Variants in DIP2C observed in about 807,000 individuals in gnomAD.
DIP2C encodes disco-interacting protein 2 homolog C.
A neutral mutation model predicts 192.4 loss-of-function variants in DIP2C; 33 were observed. The observed-to-expected ratio is 0.17, with a 90% CI of 0.13 to 0.23. DIP2C has a LOEUF of 0.23. Among genes scored for constraint, DIP2C ranks in the 10% least tolerant of loss-of-function variants. The probability of loss-of-function intolerance (pLI) is 1.00; values close to 1 mark genes in which losing one functional copy is unlikely to be tolerated. For synonymous variants in DIP2C, 979 were observed against 864.1 expected (o/e 1.13, Z -2.33); for missense variants, 1,537 against 2,110.1 (o/e 0.73, Z 5.32).
At chr10:582,033 C>T (rs1461418651) in intron 1 of DIP2C, among the ~76,000 whole-genome samples, 8 of 152,150 alleles carry the variant, frequency 5.3e-5, no homozygotes, top group Non-Finnish European at 1.0e-4. Flanking sequence ...AATAGGGTTC[C>T]AACGTCTATG....
At chr10:624,646 G>A (rs1216606500) in intron 1 of DIP2C, among the ~76,000 whole-genome samples, 1 of 152,222 alleles carries the variant, frequency 6.6e-6, no homozygotes, top group Non-Finnish European at 1.5e-5. Context: ...CCACGGAGGA[G>A]GCGAGCGTCG....
At chr10:374,717 T>C (rs1961366405) in intron 17 of DIP2C, among the ~76,000 whole-genome samples, 1 of 152,222 alleles carries the variant, frequency 6.6e-6, no homozygotes, top group Non-Finnish European at 1.5e-5. Context: ...TTGAGAAACT[T>C]AGATGATATT....
intron 3 of DIP2C, among the ~76,000 whole-genome samples, chr10:468,394 C>G (rs893541437): frequency 6.6e-6 from 1 of 151,966 alleles, no homozygotes; most frequent in African/African-American, 2.4e-5. Context: ...AAATGAGAAC[C>G]CCACCTGAGA....
intron 3 of DIP2C, among the ~76,000 whole-genome samples, chr10:464,684 G>A (rs560989784): frequency 2.6e-5 from 4 of 152,320 alleles, no homozygotes; most frequent in Admixed American, 1.3e-4. Flanking sequence ...ACAAACGTAT[G>A]TTTATTGCAG....
At chr10:633,426 T>C (rs529191229) in intron 1 of DIP2C, among the ~76,000 whole-genome samples, 93 of 151,528 alleles carry the variant, frequency 6.1e-4, no homozygotes, top group African/African-American at 1.7e-3. Flanking sequence ...GAGGCGGTGC[T>C]GCAGAGCGGA....
chr10:390,398 T>C (rs1314589394), intron 11 of DIP2C, 25 bp from the exon 12 acceptor site: 2 of 1,603,450 alleles, frequency 1.2e-6, no homozygotes, highest in Non-Finnish European at 1.7e-6. Context: ...ACAAGTTCCT[T>C]TTAAATGTTA....
chr10:420,352 A>G (rs1966098407), intron 5 of DIP2C, among the ~76,000 whole-genome samples: 1 of 152,250 alleles, frequency 6.6e-6, no homozygotes, highest in Non-Finnish European at 1.5e-5. Flanking sequence ...TGACGGTGTC[A>G]GTCCGGTGTC....
At chr10:659,256 G>A (rs939575611) in intron 1 of DIP2C, among the ~76,000 whole-genome samples, 15 of 152,104 alleles carry the variant, frequency 9.9e-5, no homozygotes, top group African/African-American at 3.6e-4. Context: ...TGTAACACAT[G>A]CACACACATA....
chr10:647,661 C>G (rs55925602), intron 1 of DIP2C, among the ~76,000 whole-genome samples: 113 of 145,174 alleles, frequency 7.8e-4, no homozygotes, highest in African/African-American at 2.9e-3. Context: ...AATCCACGTC[C>G]ACATTGGATG....
At chr10:653,689 T>C (rs1463467674) in intron 1 of DIP2C, among the ~76,000 whole-genome samples, 1 of 152,216 alleles carries the variant, frequency 6.6e-6, no homozygotes, top group Non-Finnish European at 1.5e-5. Context: ...TACATTTCTT[T>C]GGGTGAGAAA....
chr10:312,124 G>A (rs1308416896), intron 31 of DIP2C, among the ~76,000 whole-genome samples: 2 of 152,106 alleles, frequency 1.3e-5, no homozygotes, highest in African/African-American at 2.4e-5. Context: ...GCTCTCACAC[G>A]GTCTGCTCGG....
At chr10:345,293 G>A (rs371165415) in intron 26 of DIP2C, 183 bp from the exon 27 acceptor site, 32 of 703,478 alleles carry the variant, frequency 4.5e-5, no homozygotes, top group Non-Finnish European at 7.2e-5. Context: ...GTGGAGGCAC[G>A]GGGGCAGGGC....
chr10:666,746 G>C lies in DIP2C; in HGVS notation c.85+22748C>G, dbSNP rs1386293502. 6.6e-6 allele frequency: 1 copy of C among 152,620 alleles called. No individual in the cohort carries two copies. Among genetic ancestry groups the C allele is most frequent in the East Asian group, 1.9e-4 (1 of 5,200 alleles). 9.5% of individuals were successfully genotyped at this position (152,620 alleles called of 1,614,324 possible). On this transcript the variant is annotated intron_variant, in intron 1 of 36. Coordinates refer to ENST00000280886, the MANE Select transcript of DIP2C (RefSeq NM_014974.3). This position sits in a 1 kb window ranked among gnomAD's most constrained non-coding sequence, Gnocchi z 4.1. ...GGTCTGGACGTGGGCCTGGGGGCTG[G>C]TGGAAGGCACGTGTGTTGAGGCGTG...
rs1057451726 is a variant in DIP2C at position 290,638 on chromosome 10, A to C, written c.3987-2217T>G. On this transcript the variant is annotated intron_variant, in intron 32 of 36. Transcript: ENST00000280886. The stretch of plus-strand genomic sequence containing the variant: ...CGTGGGCTTCACCCCAAATGAAGAC[A>C]GCAGTAGAGAAGCCAGGCCAAGCTG... Among the ~76,000 whole-genome samples, 3 of 152,344 alleles carry C rather than the reference A, an allele frequency of 2.0e-5. No individual in the cohort carries two copies. In the East Asian group the frequency reaches 5.8e-4, roughly 29 times the overall value.
intron 1 of DIP2C, among the ~76,000 whole-genome samples, chr10:604,090 A>G (rs1179261566): frequency 3.5e-5 from 5 of 143,596 alleles, no homozygotes; most frequent in African/African-American, 1.3e-4. Context: ...CCTCTGAGGC[A>G]GACCCTCGTA....
At chr10:565,581 A>G (rs1849423469) in intron 1 of DIP2C, among the ~76,000 whole-genome samples, 1 of 152,194 alleles carries the variant, frequency 6.6e-6, no homozygotes, top group South Asian at 2.1e-4. Context: ...AACTTCACCT[A>G]GAATTTAAAA....
At chr10:294,586 C>T (rs530983996) in intron 32 of DIP2C, among the ~76,000 whole-genome samples, 2 of 149,696 alleles carry the variant, frequency 1.3e-5, no homozygotes, top group Non-Finnish European at 3.0e-5. Flanking sequence ...AGAGTGATAC[C>T]CCATCTAAAA....
At position 507,722 on chromosome 10, in the gene DIP2C, C is replaced by CTT. The variant is rs568872810; in HGVS notation, c.86-21194_86-21193dup. ...CAGGTGAGTTTGTTCCCGCACATTCCTTTCAGTACTGACGATTGAAGATCG... is the reference window on the plus strand; with the variant it reads ...CAGGTGAGTTTGTTCCCGCACATTCCTTTTTCAGTACTGACGATTGAAGATCG... On this transcript the variant is annotated intron_variant, in intron 1 of 36. Transcript: ENST00000280886. Among the ~76,000 whole-genome samples the CTT allele has an allele frequency of 2.3e-3, 350 of 152,314 alleles. 4 individuals are homozygous for CTT. Among genetic ancestry groups the CTT allele is most frequent in the African/African-American group, 7.9e-3 (328 of 41,570 alleles).
chr10:283,785 A>G (rs2132150977), intron 34 of DIP2C, among the ~76,000 whole-genome samples: 1 of 152,320 alleles, frequency 6.6e-6, no homozygotes, highest in East Asian at 1.9e-4. Context: ...CACTTTAACG[A>G]ATGATTATTT....
Sources: allele counts gnomAD v4.1 joint callset (sites outside exome capture counted in the v4.1 genomes callset), GRCh38; gene constraint gnomAD v4.1.1; non-coding constraint Gnocchi (gnomAD v3.1); transcripts MANE v1.5; gene names NCBI Gene and HGNC (gene_info 2026-07-23, HGNC 2026-07-21).